Variants in IGDCC4 observed in about 807,000 individuals in gnomAD.
IGDCC4 encodes immunoglobulin superfamily DCC subclass member 4, also known as likely ortholog of mouse neighbor of Punc E11.
In IGDCC4, 72 loss-of-function variants were observed where a neutral mutation model predicts 116.6. The observed-to-expected ratio is 0.62, with a 90% confidence interval of 0.51 to 0.75. IGDCC4 has a LOEUF of 0.75. Ranked by LOEUF, IGDCC4 falls within the 30% of genes least tolerant of loss-of-function variation. The probability of loss-of-function intolerance (pLI) is 0.00; values close to 1 mark genes in which losing one functional copy is unlikely to be tolerated. For missense variants in IGDCC4, 1,501 were observed against 1,662.4 expected (o/e 0.90, Z 1.69); for synonymous variants, 709 against 719.9 (o/e 0.98, Z 0.24).
At position 65,400,789 on chromosome 15, in the gene IGDCC4, C is replaced by T. The variant is rs2062976810; in HGVS notation, c.841+17G>A. ...CCTCCCTTCCCATGCCCTCCTTCTC[C>T]CACCCCCTCCACTCACCTTGTCGGA... is the stretch of plus-strand genomic sequence containing the variant. On this transcript the variant is annotated intron_variant, in intron 5 of 19. Transcript: ENST00000352385. The T allele has an allele frequency of 1.9e-6, 3 of 1,576,762 alleles. No individual in the cohort carries two copies. Among genetic ancestry groups the T allele is most frequent in the African/African-American group, 1.3e-5 (1 of 74,138 alleles).
rs776336258 is a variant in IGDCC4 at position 65,412,879 on chromosome 15, A to C, written c.71-1509T>G. 1.2e-3 allele frequency among the ~76,000 whole-genome samples: 190 copies of C among 152,278 alleles called. 1 individual carries two copies. Among genetic ancestry groups the C allele is most frequent in the Middle Eastern group, 0.01 (3 of 294 alleles). On this transcript the variant is annotated intron_variant, in intron 1 of 19. Coordinates refer to ENST00000352385, the MANE Select transcript of IGDCC4 (RefSeq NM_020962.3). Reference sequence around the variant, plus strand: ...ACCACTGCACTCTAGCCTGGGTAACAGAGTGAGATCCTGTCTAAAATACAT... The same window carrying C: ...ACCACTGCACTCTAGCCTGGGTAACCGAGTGAGATCCTGTCTAAAATACAT...
chr15:65,408,058 G>T (rs1428519585), intron 3 of IGDCC4, among the ~76,000 whole-genome samples: 1 of 152,168 alleles, frequency 6.6e-6, no homozygotes. Flanking sequence ...GTGAGTCACC[G>T]CGCCCAGCCA....
Position 65,396,898 on chromosome 15 carries a change from G to A in IGDCC4, c.933C>T (p.Val311=). The A allele has an allele frequency of 6.4e-7, 1 of 1,574,606 alleles. No individual in the cohort carries two copies. The highest frequency in any genetic ancestry group is 8.6e-7 in the Non-Finnish European group (1 of 1,160,012). Residue 311 remains valine, a synonymous_variant, in exon 6 of 20, where the codon GTC becomes GTT. Transcript: ENST00000352385. Reference sequence around the variant, plus strand: ...GCGTGCGGGGCTTGTTGGCGCGGCAGACATAGACGCCGGAGTGCCAGGGCT... The same window carrying A: ...GCGTGCGGGGCTTGTTGGCGCGGCAAACATAGACGCCGGAGTGCCAGGGCT... ...NAQPWHSGVY[V]CRANKPRTRD...
rs752125354 is a variant in IGDCC4 at position 65,402,387 on chromosome 15, A to T, written c.664T>A (p.Phe222Ile). Residue 222 changes from phenylalanine to isoleucine, a missense_variant, in exon 4 of 20, where the codon TTC (phenylalanine) becomes ATC (isoleucine). Physicochemically the swap from Phe to Ile is conservative, Grantham distance 21. Coordinates refer to ENST00000352385, the MANE Select transcript of IGDCC4 (RefSeq NM_020962.3). ...ACACTGAGTAGGGCCTCCTGGCTGA[A>T]GTGCTGGCGAGCTGAGTTGGTGGCC... ...CVATNSARQH[F>I]SQEALLSVAH... is the part of the protein sequence containing the mutation. 1.9e-6 allele frequency: 3 copies of T among 1,571,040 alleles called. No individual in the cohort carries two copies. The South Asian group carries it at 3.5e-5, about 18-fold the overall frequency.
At chr15:65,420,750 C>G (rs2063182890) in intron 1 of IGDCC4, among the ~76,000 whole-genome samples, 1 of 152,154 alleles carries the variant, frequency 6.6e-6, no homozygotes, top group South Asian at 2.1e-4. Context: ...CTGTCCCCAT[C>G]ATCATTCTCC....
rs768179262 is a variant in IGDCC4, at chr15:65,396,216, G to GCCCCCCCC, written c.998-61_998-54dup. On this transcript the variant is annotated intron_variant, in intron 6 of 19. Coordinates refer to ENST00000352385, the MANE Select transcript of IGDCC4 (RefSeq NM_020962.3). ...GCGGGATCCCGCAACTAAGGTCTCT[G>GCCCCCCCC]CCCCCCCCCCAGTACCCCAAGCCTG... is the stretch of plus-strand genomic sequence containing the variant. 4 of 1,188,628 alleles carry GCCCCCCCC rather than the reference G, an allele frequency of 3.4e-6. No homozygotes were observed. In the South Asian group the frequency reaches 5.2e-5, roughly 15 times the overall value. The allele number at this position is 1,188,628 out of a possible 1,614,324, so 73.6% of individuals were successfully genotyped here. A position where few individuals can be genotyped will look rare whatever the true frequency, so the allele number is the denominator to read the frequency against.
rs112040935 is a variant in IGDCC4, at chr15:65,399,447, C to CAA, written c.841+1357_841+1358dup. Among the ~76,000 whole-genome samples the CAA allele has an allele frequency of 7.5e-4, 53 of 71,134 alleles. 1 individual carries two copies. The highest frequency in any genetic ancestry group is 1.1e-3 in the Non-Finnish European group (32 of 30,220). The allele number at this position is 71,134 out of a possible 152,430, so 46.7% of individuals were successfully genotyped here. On this transcript the variant is annotated intron_variant, in intron 5 of 19. Coordinates refer to ENST00000352385, the MANE Select transcript of IGDCC4 (RefSeq NM_020962.3). ...ATTGCACTCCAGCCTGGGTGACAGG[C>CAA]AAAAAAAAAAAAAAAAAAAAAAAAG...
At chr15:65,390,751 T>A (rs2091506720) in intron 12 of IGDCC4, among the ~76,000 whole-genome samples, 1 of 152,172 alleles carries the variant, frequency 6.6e-6, no homozygotes, top group African/African-American at 2.4e-5. Context: ...TTATTTAATA[T>A]TTTAAAAATA....
chr15:65,421,346 C>T (rs1355434228), intron 1 of IGDCC4, among the ~76,000 whole-genome samples: 1 of 152,156 alleles, frequency 6.6e-6, no homozygotes, highest in African/African-American at 2.4e-5. Flanking sequence ...TCCTTAATCC[C>T]CTGAGCTCTG....
chr15:65,420,241 C>T lies in IGDCC4; in HGVS notation c.70+2552G>A, dbSNP rs564593790. Among the ~76,000 whole-genome samples, 68 of 152,330 alleles carry T rather than the reference C, an allele frequency of 4.5e-4. 2 individuals are homozygous for T. In the South Asian group the frequency reaches 0.013, roughly 28 times the overall value. On this transcript the variant is annotated intron_variant, in intron 1 of 19. Coordinates refer to ENST00000352385, the MANE Select transcript of IGDCC4 (RefSeq NM_020962.3). Reference sequence around the variant, plus strand: ...GGATTACAGGCGTGAGCCACCGCACCCGGCCTATTTCTTACTTTCCTCTCT... The same window carrying T: ...GGATTACAGGCGTGAGCCACCGCACTCGGCCTATTTCTTACTTTCCTCTCT...
At chr15:65,396,219 C>CA (rs1448152738) in intron 6 of IGDCC4, 56 bp from the exon 7 acceptor site, 2 of 1,273,192 alleles carry the variant, frequency 1.6e-6, no homozygotes, top group South Asian at 3.3e-5. Context: ...GGTCTCTGCC[C>CA]CCCCCCCAGT....
intron 5 of IGDCC4, among the ~76,000 whole-genome samples, chr15:65,399,339 T>C (rs2062961017): frequency 6.7e-6 from 1 of 149,582 alleles, no homozygotes; most frequent in Non-Finnish European, 1.5e-5. Context: ...CACATGCCTG[T>C]AGTCCCAGCT....
rs56973324 is a variant in IGDCC4 at position 65,421,976 on chromosome 15, T to C, written c.70+817A>G. Among the ~76,000 whole-genome samples the C allele has an allele frequency of 7.6e-3, 1,160 of 152,206 alleles. 11 individuals are homozygous for C. Among genetic ancestry groups the C allele is most frequent in the African/African-American group, 0.027 (1,116 of 41,536 alleles). On this transcript the variant is annotated intron_variant, in intron 1 of 19. Transcript: ENST00000352385. ...ACCCACTCCGCACTGGGCTGCGGAC[T>C]GGATGAGGCCCTGCTGACCTCGTCC... is the stretch of plus-strand genomic sequence containing the variant.
intron 1 of IGDCC4, among the ~76,000 whole-genome samples, chr15:65,414,188 C>T (rs977579365): frequency 4.5e-4 from 68 of 152,190 alleles, no homozygotes; most frequent in African/African-American, 1.4e-3. Flanking sequence ...GTGATGGCTG[C>T]GTGAAATAAG....
At chr15:65,405,511 A>T (rs1461076894) in intron 3 of IGDCC4, among the ~76,000 whole-genome samples, 1 of 152,320 alleles carries the variant, frequency 6.6e-6, no homozygotes, top group East Asian at 1.9e-4. Context: ...CAGTTTTCTC[A>T]TTTGAAAAAT....
In IGDCC4 at chr15:65,411,193, T is replaced by A; in HGVS notation, c.248A>T (p.Asp83Val). The change falls in exon 2 of 20, where the codon GAC becomes GTC. Residue 83 changes from aspartate to valine, a missense_variant. Around this residue, in one of 3 missense-constraint regions of IGDCC4, gnomAD observed 898 missense variants for 978.9 expected, o/e 0.92. Coordinates refer to ENST00000352385, the MANE Select transcript of IGDCC4 (RefSeq NM_020962.3). ...SKDGDTLLEH[D>V]HLHLLPNGSL... The stretch of plus-strand genomic sequence containing the variant: ...ACCATTGGGCAGCAGGTGTAAGTGG[T>A]CGTGCTCCAGCAGGGTGTCCCCATC... 1.9e-6 allele frequency: 3 copies of A among 1,614,150 alleles called. No individual in the cohort carries two copies. The highest frequency in any genetic ancestry group is 2.5e-6 in the Non-Finnish European group (3 of 1,180,024).
Position 65,397,092 on chromosome 15 carries a change from A to C in IGDCC4, c.842-103T>G, listed in dbSNP as rs533664540. 55 of 1,374,470 alleles carry C rather than the reference A, an allele frequency of 4.0e-5. No homozygotes were observed. In the African/African-American group the frequency reaches 5.5e-4, roughly 14 times the overall value. 85.1% of individuals were successfully genotyped at this position (1,374,470 alleles called of 1,614,324 possible). ...CTCTGCACCCGGATAAAGCAAACAC[A>C]ACCGTCCCTGGTCCGAATCTCATTT... On this transcript the variant is annotated intron_variant, in intron 5 of 19. Transcript: ENST00000352385.
chr15:65,387,473 T>C (rs1449288973), intron 16 of IGDCC4, among the ~76,000 whole-genome samples: 1 of 152,160 alleles, frequency 6.6e-6, no homozygotes, highest in Non-Finnish European at 1.5e-5. Flanking sequence ...CTCAGCCTCC[T>C]GAGTAGTTGG....
intron 3 of IGDCC4, among the ~76,000 whole-genome samples, chr15:65,404,005 C>G (rs551541702): frequency 2.3e-4 from 35 of 152,164 alleles, no homozygotes; most frequent in South Asian, 6.2e-4. Context: ...GCAAATGGTG[C>G]TGGCCTCTGG....
Sources: gnomAD v4.1 joint callset for allele counts (sites outside exome capture counted in the v4.1 genomes callset) on GRCh38, gnomAD v4.1.1 for gene constraint, gnomAD v4.1.1 regional missense constraint, MANE v1.5 for transcripts, NCBI Gene and HGNC (gene_info 2026-07-23, HGNC 2026-07-21) for gene names.